The following RARB variants were observed in gnomAD, a reference collection of about 807,000 sequenced individuals.
The protein encoded by RARB is HBV-activated protein.
Under a neutral mutation model 51.9 loss-of-function variants are expected in RARB, and 17 were observed. The ratio of observed to expected loss-of-function variants is 0.33; its 90% CI spans 0.22 to 0.49. RARB has a LOEUF of 0.49. RARB is among the 20% of genes least tolerant of loss of function. RARB has a pLI of 0.99. For missense variants in RARB, 369 were observed against 550.8 expected, an observed-to-expected ratio of 0.67 and a Z score of 3.30; for synonymous variants, 215 against 195.4, an observed-to-expected ratio of 1.10 and a Z score of -0.84.
At chr3:25,498,407 T>C in intron 2 of RARB, among the ~76,000 whole-genome samples, 1 of 152,202 alleles carries the variant, frequency 6.6e-6, no homozygotes, top group African/African-American at 2.4e-5. Flanking sequence ...CACGTCTGTT[T>C]ACTCAACCCA....
At chr3:24,955,045 CT>C (rs1695980250) in intron 2 of RARB, among the ~76,000 whole-genome samples, 1 of 152,170 alleles carries the variant, frequency 6.6e-6, no homozygotes, top group South Asian at 2.1e-4. Context: ...ATCCTGCCCT[CT>C]TGGTACCCAG....
Position 25,572,609 on chromosome 3 carries a change from TG to T in RARB, c.609+2695del, listed in dbSNP as rs1700752620. Among the ~76,000 whole-genome samples, 5 of 152,224 alleles carry T rather than the reference TG, an allele frequency of 3.3e-5. No individual in the cohort carries two copies. The South Asian group carries it at 1.0e-3, about 32-fold the overall frequency. On this transcript the variant is annotated intron_variant, in intron 4 of 7. Coordinates refer to ENST00000330688, the MANE Select transcript of RARB (RefSeq NM_000965.5). ...GTTGCCAAAAAGGGAGAATGGAAGC[TG>T]GGGCCATTGGCGGCATCTAGCTAGG...
At chr3:24,991,180 C>G (rs1696901748) in intron 2 of RARB, among the ~76,000 whole-genome samples, 1 of 152,158 alleles carries the variant, frequency 6.6e-6, no homozygotes. Context: ...GTGACTCACG[C>G]CTGTAATCTC....
In RARB at chr3:25,597,814, T is replaced by C. The variant is rs1701940200; in HGVS notation, c.*1198T>C. ...ATATATTAGCAAGTCTGTGATGTAC[T>C]TTCACTGGCTCTGTTTGTACATTGA... On this transcript the variant is annotated 3_prime_UTR_variant, in exon 8 of 8. Transcript: ENST00000330688. 1 of 152,540 alleles carries C rather than the reference T, an allele frequency of 6.6e-6. No individual in the cohort carries two copies. The highest frequency in any genetic ancestry group is 1.5e-5 in the Non-Finnish European group (1 of 68,036). 9.4% of individuals were successfully genotyped at this position (152,540 alleles called of 1,614,324 possible).
At chr3:24,893,623 T>G (rs749681961) in intron 2 of RARB, among the ~76,000 whole-genome samples, 35 of 152,246 alleles carry the variant, frequency 2.3e-4, no homozygotes, top group Admixed American at 2.2e-3. Flanking sequence ...GCACAAGTGA[T>G]CCTCCTGTCT....
chr3:25,496,679 G>T (rs1357585622), intron 2 of RARB, among the ~76,000 whole-genome samples: 1 of 152,200 alleles, frequency 6.6e-6, no homozygotes, highest in Non-Finnish European at 1.5e-5. Context: ...GTATAACATG[G>T]AAGGAAAAGC....
chr3:24,940,570 T>C (rs1011246717), intron 2 of RARB, among the ~76,000 whole-genome samples: 1 of 152,196 alleles, frequency 6.6e-6, no homozygotes, highest in African/African-American at 2.4e-5. Flanking sequence ...CTATGTTTTT[T>C]CCTTGTCTTG....
intron 2 of RARB, among the ~76,000 whole-genome samples, chr3:25,483,520 A>G (rs997545616): frequency 1.7e-5 from 2 of 118,712 alleles, no homozygotes; most frequent in African/African-American, 6.7e-5. Context: ...TTAAAATCAT[A>G]TTTCTTCTTT....
intron 2 of RARB, among the ~76,000 whole-genome samples, chr3:25,047,665 T>C (rs527617678): frequency 5.3e-5 from 8 of 152,288 alleles, no homozygotes; most frequent in African/African-American, 1.9e-4. Context: ...ATACAGTAGG[T>C]CTTTTGTTTT....
At chr3:25,431,388 A>C (rs1236170965) in intron 1 of RARB, among the ~76,000 whole-genome samples, 1 of 152,178 alleles carries the variant, frequency 6.6e-6, no homozygotes, top group Non-Finnish European at 1.5e-5. Context: ...TTAAAGGCAG[A>C]AAAATGATAT....
chr3:25,315,183 C>T (rs1704391749), intron 5 of RARB, among the ~76,000 whole-genome samples: 1 of 152,064 alleles, frequency 6.6e-6, no homozygotes, highest in African/African-American at 2.4e-5. Flanking sequence ...TCTCTGGCAT[C>T]CCCAGTCTTC....
chr3:25,107,440 A>G (rs1045383707), intron 3 of RARB, among the ~76,000 whole-genome samples: 1 of 152,192 alleles, frequency 6.6e-6, no homozygotes, highest in African/African-American at 2.4e-5. Context: ...TAGGAGCTTA[A>G]TATTAACTGC....
intron 2 of RARB, among the ~76,000 whole-genome samples, chr3:25,024,265 G>T (rs752877563): frequency 6.6e-6 from 1 of 152,132 alleles, no homozygotes; most frequent in African/African-American, 2.4e-5. Flanking sequence ...GTTTGATTTA[G>T]TAGGTGCGGC....
At chr3:25,264,376 A>G (rs1007128537) in intron 5 of RARB, among the ~76,000 whole-genome samples, 5 of 152,138 alleles carry the variant, frequency 3.3e-5, no homozygotes, top group East Asian at 1.9e-4. Context: ...TTTTTTTTAT[A>G]TAAGGCAAAG....
intron 5 of RARB, among the ~76,000 whole-genome samples, chr3:25,208,487 T>C (rs1701614515): frequency 6.6e-6 from 1 of 152,172 alleles, no homozygotes; most frequent in African/African-American, 2.4e-5. Flanking sequence ...TTAAACATTC[T>C]ATCAATAAAG....
At chr3:25,447,223 C>A (rs1559407093) in intron 1 of RARB, among the ~76,000 whole-genome samples, 14 of 146,344 alleles carry the variant, frequency 9.6e-5, no homozygotes. Context: ...TTTTTTAATT[C>A]TTTTTTTTTT....
rs546197894 is a variant in RARB at position 25,403,886 on chromosome 3, T to TAAAAAAA, written c.179-57291_179-57285dup. Among the ~76,000 whole-genome samples the TAAAAAAA allele has an allele frequency of 1.1e-3, 101 of 88,356 alleles. 2 individuals carry two copies. The highest frequency in any genetic ancestry group is 8.1e-3 in the Middle Eastern group (1 of 124). The allele number at this position is 88,356 out of a possible 152,430, so 58.0% of individuals were successfully genotyped here. A position where few individuals can be genotyped will look rare whatever the true frequency, so the allele number is the denominator to read the frequency against. On this transcript the variant is annotated intron_variant, in intron 5 of 11. Transcript: ENST00000383772. ...GTCACAAGCTGTGAATTTCTTTTTC[T>TAAAAAAA]AAAAAAAAAAAAAAAAAAAAAATTG... is the stretch of plus-strand genomic sequence containing the variant.
intron 5 of RARB, among the ~76,000 whole-genome samples, chr3:25,285,709 C>T (rs1026898377): frequency 6.6e-6 from 1 of 152,126 alleles, no homozygotes; most frequent in African/African-American, 2.4e-5. Context: ...GCAGAGGACG[C>T]AGTGTGACTA....
At chr3:25,143,187 C>G (rs1375517845) in intron 4 of RARB, among the ~76,000 whole-genome samples, 1 of 152,118 alleles carries the variant, frequency 6.6e-6, no homozygotes, top group Non-Finnish European at 1.5e-5. Flanking sequence ...ACCTAGCAGT[C>G]TCTCAGAGTT....
Sources: gnomAD v4.1 joint callset for allele counts (sites outside exome capture counted in the v4.1 genomes callset) on GRCh38, gnomAD v4.1.1 for gene constraint, MANE v1.5 for transcripts, NCBI Gene and HGNC (gene_info 2026-07-23, HGNC 2026-07-21) for gene names.